The following ADGRF4 variants were observed in gnomAD, a reference collection of about 807,000 sequenced individuals.
ADGRF4 encodes the protein adhesion G protein-coupled receptor F4, also known as G-protein coupled receptor PGR18.
A neutral mutation model predicts 58.5 loss-of-function variants in ADGRF4; 63 were observed. The observed-to-expected ratio is 1.08, with a 90% CI of 0.88 to 1.33. The LOEUF is 1.33. Among genes scored for constraint, ADGRF4 ranks in the 40% most tolerant of loss-of-function variants. ADGRF4 has a pLI of 0.00. For synonymous variants in ADGRF4, 313 were observed against 295.4 expected (o/e 1.06, Z -0.61); for missense variants, 931 against 843.9 (o/e 1.10, Z -1.28).
Position 47,712,300 on chromosome 6 carries a change from C to T in ADGRF4, c.301-57C>T, listed in dbSNP as rs376744516. ...TAGATTGTGCTTTAACTCCTTTAGTCTGATACATGGTAGGTACTTAATCAT... is the reference window on the plus strand; with the variant it reads ...TAGATTGTGCTTTAACTCCTTTAGTTTGATACATGGTAGGTACTTAATCAT... On this transcript the variant is annotated intron_variant, in intron 4 of 9. Transcript: ENST00000283303. The T allele has an allele frequency of 5.8e-6, 9 of 1,560,462 alleles. No individual in the cohort carries two copies. The South Asian group carries it at 6.8e-5, about 12-fold the overall frequency.
At chr6:47,709,723 C>T (rs1771813113) in intron 3 of ADGRF4, among the ~76,000 whole-genome samples, 1 of 152,178 alleles carries the variant, frequency 6.6e-6, no homozygotes, top group Non-Finnish European at 1.5e-5. Context: ...ATGCAGAGAG[C>T]AGCAAAAAAT....
chr6:47,708,215 A>T lies in ADGRF4; in HGVS notation c.94-9A>T, dbSNP rs1346062676. ...GTAAAGAGGACCATTGGGAATTTAT[A>T]TTTTTCAGGCTGGAGATAAACTTCA... On this transcript the variant is annotated splice_polypyrimidine_tract_variant and intron_variant, in intron 2 of 9. Transcript: ENST00000283303. 1 of 1,609,190 alleles carries T rather than the reference A, an allele frequency of 6.2e-7. No individual in the cohort carries two copies. Among genetic ancestry groups the T allele is most frequent in the African/African-American group, 1.3e-5 (1 of 74,806 alleles).
At chr6:47,708,506 T>C (rs1304333116) in intron 3 of ADGRF4, among the ~76,000 whole-genome samples, 1 of 152,184 alleles carries the variant, frequency 6.6e-6, no homozygotes, top group Admixed American at 6.5e-5. Context: ...TCTAGAATAG[T>C]AGACAAATAC....
intron 1 of ADGRF4, among the ~76,000 whole-genome samples, chr6:47,702,318 C>T (rs1357879132): frequency 6.6e-6 from 1 of 152,106 alleles, no homozygotes; most frequent in African/African-American, 2.4e-5. Context: ...GACCATGGAA[C>T]CCCTTTGGCT....
At chr6:47,708,448 T>C (rs76545578) in intron 3 of ADGRF4, among the ~76,000 whole-genome samples, 170 bp downstream of exon 3, 5,471 of 152,322 alleles carry the variant, frequency 0.036, 141 homozygotes, top group Non-Finnish European at 0.051. Flanking sequence ...TTTATACCAT[T>C]ACCAGTGGCA....
chr6:47,706,863 A>G lies in ADGRF4; in HGVS notation c.-16-367A>G, dbSNP rs78996835. 4.3e-3 allele frequency among the ~76,000 whole-genome samples: 658 copies of G among 152,378 alleles called. 3 individuals are homozygous for G. The highest frequency in any genetic ancestry group is 0.014 in the African/African-American group (574 of 41,584). The stretch of plus-strand genomic sequence containing the variant: ...CATCTTACATCATAGGATTAAAGGA[A>G]TTTATGCGAAGACAGTGCTTAGAAA... On this transcript the variant is annotated intron_variant, in intron 1 of 9. Coordinates refer to ENST00000283303, the MANE Select transcript of ADGRF4 (RefSeq NM_153838.5).
At chr6:47,701,772 T>G (rs1395396315) in intron 1 of ADGRF4, among the ~76,000 whole-genome samples, 2 of 152,208 alleles carry the variant, frequency 1.3e-5, no homozygotes, top group African/African-American at 4.8e-5. Context: ...TCCTCCAAGA[T>G]AACATATTGT....
intron 3 of ADGRF4, among the ~76,000 whole-genome samples, chr6:47,710,444 C>A (rs1048619113): frequency 6.6e-5 from 10 of 152,170 alleles, no homozygotes; most frequent in African/African-American, 2.2e-4. Flanking sequence ...CATGAGTTAA[C>A]CCCTGCTTTC....
At position 47,714,521 on chromosome 6, in the gene ADGRF4, G is replaced by C. The variant is rs747608727; in HGVS notation, c.1276G>C (p.Val426Leu). The change falls in exon 6 of 10, where the codon GTG becomes CTG. Residue 426 changes from valine (V) to leucine (L), a missense_variant. Val to Leu is a conservative substitution (Grantham distance 32, BLOSUM62 1). Transcript: ENST00000283303. ...TCTTTGCCTGATCATTGAAGCCACA[G>C]TGTGGTCCCGGGTGGTTGTGACGGA... ...LVLCLIIEAT[V>L]WSRVVVTEIS... The C allele has an allele frequency of 3.1e-6, 5 of 1,614,130 alleles. No homozygotes were observed. In the South Asian group the frequency reaches 5.5e-5, roughly 18 times the overall value.
At chr6:47,717,922 G>A (rs1772064167) in intron 8 of ADGRF4, among the ~76,000 whole-genome samples, 1 of 152,216 alleles carries the variant, frequency 6.6e-6, no homozygotes, top group South Asian at 2.1e-4. Context: ...AAGGCACCAA[G>A]TAAAATTGCT....
chr6:47,699,913 C>CAT (rs386406961), intron 1 of ADGRF4, among the ~76,000 whole-genome samples: 1 of 145,306 alleles, frequency 6.9e-6, no homozygotes, highest in Non-Finnish European at 1.5e-5. Flanking sequence ...TACACACACA[C>CAT]ACACACACAC....
chr6:47,714,265 TA>T lies in ADGRF4; in HGVS notation c.1024del (p.Thr342ProfsTer25), dbSNP rs1202139053. 3 of 1,613,934 alleles carry T rather than the reference TA, an allele frequency of 1.9e-6. No homozygotes were observed. Among genetic ancestry groups the T allele is most frequent in the Admixed American group, 3.3e-5 (2 of 59,994 alleles). ...EIILTFEKIN[K>X]TRNARAQCVG... Reference sequence around the variant, plus strand: ...TCATACTCACCTTCGAAAAGATCAATAAAACCCGCAATGCCAGAGCCCAGTG... The same window carrying T: ...TCATACTCACCTTCGAAAAGATCAATAAACCCGCAATGCCAGAGCCCAGTG... On this transcript the variant is annotated frameshift_variant, in exon 6 of 10. Transcript: ENST00000283303. LOFTEE classifies it high-confidence loss of function.
chr6:47,717,520 C>G (rs1035831985), intron 8 of ADGRF4, among the ~76,000 whole-genome samples, 169 bp downstream of exon 8: 1 of 152,206 alleles, frequency 6.6e-6, no homozygotes, highest in Non-Finnish European at 1.5e-5. Flanking sequence ...TCTGCTAAAA[C>G]TGAAGGTCAG....
intron 3 of ADGRF4, among the ~76,000 whole-genome samples, 154 bp from the exon 4 acceptor site, chr6:47,710,581 C>A (rs998818572): frequency 1.3e-5 from 2 of 152,200 alleles, no homozygotes; most frequent in African/African-American, 4.8e-5. Flanking sequence ...ATCTACCTGG[C>A]AGCTCTTACT....
rs75292992 is a variant in ADGRF4, at chr6:47,707,614, C to T, written c.93+276C>T. On this transcript the variant is annotated intron_variant, in intron 2 of 9. Transcript: ENST00000283303. ...GCTGCTGAGAGAAGAAAGTACTCAC[C>T]TGGCAGTTGAACAATGGAGAGTCAG... Among the ~76,000 whole-genome samples, 661 of 152,316 alleles carry T rather than the reference C, an allele frequency of 4.3e-3. 3 individuals are homozygous for T. Among genetic ancestry groups the T allele is most frequent in the African/African-American group, 0.014 (576 of 41,576 alleles).
intron 1 of ADGRF4, among the ~76,000 whole-genome samples, chr6:47,706,490 G>A (rs1300303467): frequency 6.6e-6 from 1 of 152,146 alleles, no homozygotes; most frequent in African/African-American, 2.4e-5. Context: ...GTACACTATA[G>A]GACAGTGGTT....
In ADGRF4 at chr6:47,714,794, A is replaced by G. The variant is rs753140370; in HGVS notation, c.1549A>G (p.Ile517Val). The change falls in exon 6 of 10, where the codon ATT becomes GTT. Residue 517 changes from isoleucine to valine, a missense_variant. Ile to Val is a conservative substitution (Grantham distance 29, BLOSUM62 3). Transcript: ENST00000283303. ...RRMMKSRMMV[I>V]GFAIGYGCPL... ...GATGATGAAGTCCCGAATGATGGTCATTGGCTTTGCCATTGGCTATGGGTG... is the reference window on the plus strand; with the variant it reads ...GATGATGAAGTCCCGAATGATGGTCGTTGGCTTTGCCATTGGCTATGGGTG... 1 of 1,613,986 alleles carries G rather than the reference A, an allele frequency of 6.2e-7. No homozygotes were observed. The highest frequency in any genetic ancestry group is 2.2e-5 in the East Asian group (1 of 44,872).
In ADGRF4 at chr6:47,714,955, G is replaced by A. The variant is rs772315622; in HGVS notation, c.1710G>A (p.Val570=). Residue 570 remains valine (V), a synonymous_variant, in exon 6 of 10, where the codon GTG becomes GTA. Coordinates refer to ENST00000283303, the MANE Select transcript of ADGRF4 (RefSeq NM_153838.5). ...LAFAIPAFVI[V]AVNLIVVLVV... ...TTGCCATCCCGGCGTTCGTCATTGT[G>A]GCTGTAAATCTGATTGTGGTTTTGG... 6.2e-6 allele frequency: 10 copies of A among 1,613,784 alleles called. No homozygotes were observed. The highest frequency in any genetic ancestry group is 8.5e-6 in the Non-Finnish European group (10 of 1,179,710).
At chr6:47,713,458 C>T (rs1156299683) in intron 5 of ADGRF4, among the ~76,000 whole-genome samples, 1 of 152,160 alleles carries the variant, frequency 6.6e-6, no homozygotes, top group Non-Finnish European at 1.5e-5. Flanking sequence ...CAGTCTTTCT[C>T]AAGCTTGGAT....
Sources: gnomAD v4.1 joint callset for allele counts (sites outside exome capture counted in the v4.1 genomes callset) on GRCh38, gnomAD v4.1.1 for gene constraint, MANE v1.5 for transcripts, NCBI Gene and HGNC (gene_info 2026-07-23, HGNC 2026-07-21) for gene names.